The following COBLL1 variants were observed in gnomAD, a reference collection of about 807,000 sequenced individuals.
The protein encoded by COBLL1 is cordon-bleu WH2 repeat protein like 1.
In COBLL1, 50 loss-of-function variants were observed where a neutral mutation model predicts 94.8. The observed-to-expected ratio is 0.53, with a 90% CI of 0.42 to 0.67. COBLL1 has a LOEUF of 0.67. Among genes scored for constraint, COBLL1 ranks in the 30% least tolerant of loss-of-function variants. The probability of loss-of-function intolerance (pLI) is 0.00; values close to 1 mark genes in which losing one functional copy is unlikely to be tolerated. For missense variants in COBLL1, 1,362 were observed against 1,348.7 expected (o/e 1.01, Z -0.15); for synonymous variants, 448 against 473.8 (o/e 0.95, Z 0.71).
chr2:164,840,767 C>CCT (rs1683558366), intron 2 of COBLL1: 2 of 177,044 alleles, frequency 1.1e-5, no homozygotes, highest in African/African-American at 2.4e-5. Context: ...CCTGCCTGGG[C>CCT]CTCAGCCCAT....
At chr2:164,778,809 G>A (rs987865914) in intron 2 of COBLL1, among the ~76,000 whole-genome samples, 4 of 152,150 alleles carry the variant, frequency 2.6e-5, no homozygotes, top group African/African-American at 9.7e-5. Flanking sequence ...AGACCTGGTA[G>A]CACTGGGAAG....
intron 2 of COBLL1, among the ~76,000 whole-genome samples, chr2:164,809,680 T>C (rs1395066827): frequency 6.6e-6 from 1 of 151,994 alleles, no homozygotes; most frequent in Non-Finnish European, 1.5e-5. Flanking sequence ...CTATTAGTCA[T>C]TTCCATTAAA....
chr2:164,759,684 C>G (rs1268937951), intron 2 of COBLL1, among the ~76,000 whole-genome samples: 1 of 152,142 alleles, frequency 6.6e-6, no homozygotes, highest in Non-Finnish European at 1.5e-5. Context: ...AAAGACATAT[C>G]TAGCATATAC....
intron 2 of COBLL1, among the ~76,000 whole-genome samples, chr2:164,805,325 CTCTCTCTCTCTCTATATA>C (rs1340230726): frequency 1.3e-4 from 4 of 31,528 alleles, no homozygotes; most frequent in South Asian, 1.1e-3. Flanking sequence ...CTCTCTCTCT[CTCTCTCTCTCTCTATATA>C]TATATATATA....
chr2:164,798,528 A>C (rs1040190325), intron 2 of COBLL1, among the ~76,000 whole-genome samples: 2 of 152,354 alleles, frequency 1.3e-5, no homozygotes, highest in Admixed American at 6.5e-5. Flanking sequence ...TGAGATCATA[A>C]ATAAGAGCTG....
chr2:164,726,164 G>A (rs980812395), intron 5 of COBLL1, among the ~76,000 whole-genome samples: 8 of 152,226 alleles, frequency 5.3e-5, no homozygotes, highest in Non-Finnish European at 1.2e-4. Flanking sequence ...GAAAGTTTAT[G>A]GAATTTGCTT....
chr2:164,769,236 T>C (rs1342993365), intron 2 of COBLL1, among the ~76,000 whole-genome samples: 1 of 152,206 alleles, frequency 6.6e-6, no homozygotes, highest in African/African-American at 2.4e-5. Context: ...TAACAGTTCC[T>C]TTCAGCATTT....
chr2:164,813,193 T>C (rs1684541484), intron 2 of COBLL1, among the ~76,000 whole-genome samples: 1 of 152,098 alleles, frequency 6.6e-6, no homozygotes, highest in African/African-American at 2.4e-5. Context: ...AGTTCCTACT[T>C]TAAGTATTTT....
In COBLL1 at chr2:164,722,323, T is replaced by C. The variant is rs781324748; in HGVS notation, c.760-12A>G. On this transcript the variant is annotated splice_polypyrimidine_tract_variant and intron_variant, in intron 6 of 13. Transcript: ENST00000652658. ...GGGGCACTTGCAGTCTAGTAAAGAA[T>C]GACAAAGACAAAATCTAGTAATTTC... 6.2e-7 allele frequency: 1 copy of C among 1,600,498 alleles called. No homozygotes were observed. Among genetic ancestry groups the C allele is most frequent in the East Asian group, 2.2e-5 (1 of 44,626 alleles).
At chr2:164,701,880 C>T (rs1438209118) in intron 9 of COBLL1, among the ~76,000 whole-genome samples, 1 of 6,928 alleles carries the variant, frequency 1.4e-4, no homozygotes, top group Non-Finnish European at 2.5e-4. Context: ...TATCCCAAGG[C>T]TGGGGATGTG....
rs755649535 is a variant in COBLL1, at chr2:164,680,925, T to C, written c.*5021A>G. ...CTGAAGACAAAATGAGAGAAAACTA[T>C]AGAGAAAGGGAGAGAATATACTTTT... On this transcript the variant is annotated 3_prime_UTR_variant, in exon 14 of 14. Coordinates refer to ENST00000652658, the MANE Select transcript of COBLL1 (RefSeq NM_001365672.2). 4 of 152,012 alleles carry C rather than the reference T, an allele frequency of 2.6e-5. No homozygotes were observed. The highest frequency in any genetic ancestry group is 4.4e-5 in the Non-Finnish European group (3 of 67,986). 9.4% of individuals were successfully genotyped at this position (152,012 alleles called of 1,614,324 possible). A position where few individuals can be genotyped will look rare whatever the true frequency, so the allele number is the denominator to read the frequency against.
At chr2:164,790,529 A>G (rs1338185408) in intron 2 of COBLL1, among the ~76,000 whole-genome samples, 3 of 152,184 alleles carry the variant, frequency 2.0e-5, no homozygotes, top group East Asian at 1.9e-4. Context: ...TCTTGTTTAC[A>G]TCAATTAACC....
At chr2:164,751,390 T>A (rs1687117682) in intron 2 of COBLL1, among the ~76,000 whole-genome samples, 1 of 152,070 alleles carries the variant, frequency 6.6e-6, no homozygotes, top group African/African-American at 2.4e-5. Context: ...AGCATTTTTT[T>A]TTATTTAGTT....
chr2:164,818,272 G>GTATGTATACATATGTATGTATACA (rs1219109870), intron 2 of COBLL1, among the ~76,000 whole-genome samples: 2 of 116,694 alleles, frequency 1.7e-5, no homozygotes, highest in African/African-American at 6.8e-5. Flanking sequence ...ATACACGTAT[G>GTATGTATACATATGTATGTATACA]TATGTATACA....
At position 164,680,481 on chromosome 2, in the gene COBLL1, G is replaced by C. The variant is rs1472840425; in HGVS notation, c.*5465C>G. On this transcript the variant is annotated 3_prime_UTR_variant, in exon 14 of 14. Coordinates refer to ENST00000652658, the MANE Select transcript of COBLL1 (RefSeq NM_001365672.2). ...TCATAACATGGGGGCATCGCTGAGG[G>C]AGAACTACCAAGGAGCACACAGGGT... 1 of 152,084 alleles carries C rather than the reference G, an allele frequency of 6.6e-6. No homozygotes were observed. The highest frequency in any genetic ancestry group is 1.5e-5 in the Non-Finnish European group (1 of 68,008). 9.4% of individuals were successfully genotyped at this position (152,084 alleles called of 1,614,324 possible).
intron 2 of COBLL1, among the ~76,000 whole-genome samples, chr2:164,787,349 A>T (rs778916022): frequency 3.9e-5 from 6 of 152,188 alleles, no homozygotes; most frequent in Non-Finnish European, 8.8e-5. Context: ...AGTTATGCAG[A>T]TCTAATGCAT....
chr2:164,834,260 C>T (rs1160128211), intron 2 of COBLL1, among the ~76,000 whole-genome samples: 2 of 152,196 alleles, frequency 1.3e-5, no homozygotes, highest in Non-Finnish European at 2.9e-5. Flanking sequence ...TGGTCCATTT[C>T]CTCCTAGGCA....
Position 164,694,963 on chromosome 2 carries a change from C to T in COBLL1, c.2429G>A (p.Ser810Asn). 2.5e-6 allele frequency: 4 copies of T among 1,613,986 alleles called. No homozygotes were observed. Among genetic ancestry groups the T allele is most frequent in the Non-Finnish European group, 3.4e-6 (4 of 1,179,944 alleles). Reference sequence around the variant, plus strand: ...GGCATCATCAGGTGAGCTCACAGAACTGGGCACTTGATGCTCTGTTCTCAG... The same window carrying T: ...GGCATCATCAGGTGAGCTCACAGAATTGGGCACTTGATGCTCTGTTCTCAG... Reference protein sequence around the residue: ...PNLRTEHQVPSSVSSPDDAMV... With the variant: ...PNLRTEHQVPNSVSSPDDAMV... Residue 810 changes from serine (S) to asparagine (N), a missense_variant, in exon 12 of 14, where the codon AGT becomes AAT. By Grantham distance (46) the Ser-to-Asn change is conservative. Coordinates refer to ENST00000652658, the MANE Select transcript of COBLL1 (RefSeq NM_001365672.2).
chr2:164,826,209 T>C lies in COBLL1; in HGVS notation c.41+14947A>G, dbSNP rs377018647. Reference sequence around the variant, plus strand: ...TCACCTTGGTAGCATATTCCTAATCTCAGTGGGGGCATTTTTCTCCTCTAA... The same window carrying C: ...TCACCTTGGTAGCATATTCCTAATCCCAGTGGGGGCATTTTTCTCCTCTAA... On this transcript the variant is annotated intron_variant, in intron 2 of 13. Transcript: ENST00000652658. Among the ~76,000 whole-genome samples, 22 of 152,340 alleles carry C rather than the reference T, an allele frequency of 1.4e-4. 1 individual carries two copies. The South Asian group carries it at 3.7e-3, about 26-fold the overall frequency.
Sources: gnomAD v4.1 joint callset for allele counts (sites outside exome capture counted in the v4.1 genomes callset) on GRCh38, gnomAD v4.1.1 for gene constraint, MANE v1.5 for transcripts, NCBI Gene and HGNC (gene_info 2026-07-23, HGNC 2026-07-21) for gene names.